MACROD2: variants seen among roughly 807,000 people sequenced by gnomAD.
MACROD2 encodes the protein ADP-ribose glycohydrolase MACROD2.
A neutral mutation model predicts 70.4 loss-of-function variants in MACROD2; 36 were observed. The observed-to-expected ratio is 0.51, with a 90% CI of 0.39 to 0.68. The LOEUF is 0.68. Ranked by LOEUF, MACROD2 falls within the 30% of genes least tolerant of loss-of-function variation. The pLI is 0.00. For synonymous variants in MACROD2, 172 were observed against 178.8 expected, an observed-to-expected ratio of 0.96 and a Z score of 0.30; for missense variants, 496 against 538.4, an observed-to-expected ratio of 0.92 and a Z score of 0.78.
At chr20:15,809,857 C>T (rs1283371929) in intron 8 of MACROD2, among the ~76,000 whole-genome samples, 3 of 131,658 alleles carry the variant, frequency 2.3e-5, no homozygotes, top group African/African-American at 9.1e-5. Context: ...TCTGGCCACC[C>T]TATCTTTTTT....
At chr20:15,054,102 A>T (rs559568302) in intron 5 of MACROD2, among the ~76,000 whole-genome samples, 56 of 152,352 alleles carry the variant, frequency 3.7e-4, no homozygotes, top group Admixed American at 7.8e-4. Context: ...ATGAGCAAAG[A>T]AACTGGTTTA....
At chr20:15,979,227 A>G (rs1285049678) in intron 13 of MACROD2, among the ~76,000 whole-genome samples, 1 of 152,174 alleles carries the variant, frequency 6.6e-6, no homozygotes, top group Admixed American at 6.5e-5. Context: ...TTGTGTCTCT[A>G]CTTAGCCCGG....
chr20:14,688,239 A>T (rs1883228622), intron 5 of MACROD2, among the ~76,000 whole-genome samples: 1 of 152,158 alleles, frequency 6.6e-6, no homozygotes, highest in Admixed American at 6.5e-5. Flanking sequence ...TCCAGCCACA[A>T]GTGATAATAT....
In MACROD2 at chr20:15,296,060, A is replaced by G. The variant is rs1223470866; in HGVS notation, c.540+65999A>G. ...GATCTGCCTGTTGCACCCTTGCAAC[A>G]TATTTTCATACTTTCTCTAATAAAT... On this transcript the variant is annotated intron_variant, in intron 6 of 17. Coordinates refer to ENST00000684519, the MANE Select transcript of MACROD2 (RefSeq NM_001351661.2). 2.6e-5 allele frequency among the ~76,000 whole-genome samples: 4 copies of G among 152,228 alleles called. No homozygotes were observed. The East Asian group carries it at 5.8e-4, about 22-fold the overall frequency.
chr20:15,639,152 A>G (rs1193726010), intron 8 of MACROD2, among the ~76,000 whole-genome samples: 8 of 152,206 alleles, frequency 5.3e-5, no homozygotes, highest in Non-Finnish European at 1.2e-4. Context: ...CTTCACTTCA[A>G]AGGAGATCAC....
intron 5 of MACROD2, among the ~76,000 whole-genome samples, chr20:15,106,695 GT>G (rs1472982244): frequency 6.6e-6 from 1 of 152,078 alleles, no homozygotes; most frequent in Non-Finnish European, 1.5e-5. Context: ...TTGTTGATAT[GT>G]CTTCTGGATA....
chr20:14,650,180 G>A (rs1336433801), intron 4 of MACROD2, among the ~76,000 whole-genome samples: 1 of 152,144 alleles, frequency 6.6e-6, no homozygotes, highest in Admixed American at 6.5e-5. Flanking sequence ...CTGATTGGTA[G>A]CATCTTTACA....
intron 4 of MACROD2, among the ~76,000 whole-genome samples, chr20:14,639,548 T>C (rs2123488019): frequency 6.6e-6 from 1 of 152,288 alleles, no homozygotes; most frequent in African/African-American, 2.4e-5. Flanking sequence ...GACTGTGGTT[T>C]AGTTCAATTG....
chr20:14,472,593 A>C (rs1303468785), intron 3 of MACROD2, among the ~76,000 whole-genome samples: 1 of 152,192 alleles, frequency 6.6e-6, no homozygotes, highest in African/African-American at 2.4e-5. Context: ...CCAGAAAAAT[A>C]ATTAATTAAA....
chr20:14,677,642 G>A (rs1205613100), intron 4 of MACROD2, among the ~76,000 whole-genome samples: 3 of 152,166 alleles, frequency 2.0e-5, no homozygotes, highest in Non-Finnish European at 2.9e-5. Flanking sequence ...CTGACGAAGA[G>A]CAGCCCTGTG....
At chr20:15,817,464 A>G (rs1408249221) in intron 8 of MACROD2, among the ~76,000 whole-genome samples, 2 of 152,174 alleles carry the variant, frequency 1.3e-5, no homozygotes, top group Non-Finnish European at 2.9e-5. Flanking sequence ...GCTAAACACG[A>G]TACTTTCTTC....
At chr20:15,075,156 G>A (rs144679842) in intron 5 of MACROD2, among the ~76,000 whole-genome samples, 2 of 152,000 alleles carry the variant, frequency 1.3e-5, no homozygotes, top group East Asian at 3.9e-4. Flanking sequence ...GACTCTAGGT[G>A]GGTTCATTGT....
At chr20:14,920,418 G>T (rs2074147591) in intron 5 of MACROD2, among the ~76,000 whole-genome samples, 2 of 152,120 alleles carry the variant, frequency 1.3e-5, no homozygotes. Flanking sequence ...AGGCCAGAGG[G>T]TGTTCCTTTC....
chr20:14,066,970 C>A (rs1384452052), intron 2 of MACROD2, among the ~76,000 whole-genome samples: 1 of 151,414 alleles, frequency 6.6e-6, no homozygotes, highest in Non-Finnish European at 1.5e-5. Context: ...CACCACCACG[C>A]CCGGCTAAGT....
intron 5 of MACROD2, among the ~76,000 whole-genome samples, chr20:14,686,917 A>G (rs963667033): frequency 3.9e-5 from 6 of 152,282 alleles, no homozygotes; most frequent in African/African-American, 1.4e-4. Flanking sequence ...ACTACTTGGA[A>G]TATGTACTTG....
At chr20:14,679,548 G>A (rs1297309775) in intron 4 of MACROD2, among the ~76,000 whole-genome samples, 1 of 152,194 alleles carries the variant, frequency 6.6e-6, no homozygotes, top group Non-Finnish European at 1.5e-5. Context: ...GACTTTAATA[G>A]AGAAGCAGTA....
At chr20:14,862,029 T>TATATATTTA (rs2073329562) in intron 5 of MACROD2, among the ~76,000 whole-genome samples, 18 of 16,970 alleles carry the variant, frequency 1.1e-3, no homozygotes, top group Non-Finnish European at 1.5e-3. Context: ...TTATATATAT[T>TATATATTTA]TATATATATT....
intron 17 of MACROD2, among the ~76,000 whole-genome samples, chr20:16,047,514 C>CT (rs576204471): frequency 3.3e-4 from 50 of 152,132 alleles, no homozygotes; most frequent in Non-Finnish European, 5.9e-4. Context: ...CTAGGTTGAG[C>CT]TTTAAGAGGC....
At chr20:14,531,433 C>A (rs1329504315) in intron 4 of MACROD2, among the ~76,000 whole-genome samples, 1 of 152,120 alleles carries the variant, frequency 6.6e-6, no homozygotes, top group South Asian at 2.1e-4. Flanking sequence ...AAAGGGATGC[C>A]TGGAGTGACC....
Sources: allele counts gnomAD v4.1 joint callset (sites outside exome capture counted in the v4.1 genomes callset), GRCh38; gene constraint gnomAD v4.1.1; transcripts MANE v1.5; gene names NCBI Gene and HGNC (gene_info 2026-07-23, HGNC 2026-07-21).